MAP2K5: variants seen among roughly 807,000 people sequenced by gnomAD.
MAP2K5 encodes dual specificity mitogen-activated protein kinase kinase 5.
A neutral mutation model predicts 83.1 loss-of-function variants in MAP2K5; 49 were observed. The ratio of observed to expected loss-of-function variants is 0.59; its 90% CI spans 0.47 to 0.75. The LOEUF is 0.75. MAP2K5 is among the 30% of genes least tolerant of loss of function. The pLI is 0.00. For missense variants in MAP2K5, 457 were observed against 557.5 expected, an observed-to-expected ratio of 0.82 and a Z score of 1.82; for synonymous variants, 202 against 191.8, an observed-to-expected ratio of 1.05 and a Z score of -0.44.
rs2090265481 is a variant in MAP2K5, at chr15:67,777,810, A to G, written c.1242+5058A>G. On this transcript the variant is annotated intron_variant, in intron 21 of 21. Coordinates refer to ENST00000178640, the MANE Select transcript of MAP2K5 (RefSeq NM_145160.3). The surrounding 1 kb of genome is among the most constrained non-coding windows in gnomAD (Gnocchi z 6.0). ...TTTTGTGCATCTCCTTGTACATTCC[A>G]GAGTAGGACATCCTTTAAAGGCATT... is the stretch of plus-strand genomic sequence containing the variant. Among the ~76,000 whole-genome samples the G allele has an allele frequency of 6.6e-6, 1 of 152,218 alleles. No individual in the cohort carries two copies. The highest frequency in any genetic ancestry group is 2.1e-4 in the South Asian group (1 of 4,836).
intron 1 of MAP2K5, among the ~76,000 whole-genome samples, chr15:67,544,122 A>C (rs568964474): frequency 2.8e-4 from 42 of 151,726 alleles, no homozygotes; most frequent in African/African-American, 1.0e-3. Flanking sequence ...CTGGTCTTGA[A>C]CTCCTGCGAT....
In MAP2K5 at chr15:67,779,269, G is replaced by A. The variant is rs891025378; in HGVS notation, c.1242+6517G>A. 2.6e-4 allele frequency among the ~76,000 whole-genome samples: 39 copies of A among 152,134 alleles called. No homozygotes were observed. Among genetic ancestry groups the A allele is most frequent in the African/African-American group, 9.2e-4 (38 of 41,410 alleles). On this transcript the variant is annotated intron_variant, in intron 21 of 21. Coordinates refer to ENST00000178640, the MANE Select transcript of MAP2K5 (RefSeq NM_145160.3). The surrounding 1 kb of genome is among the most constrained non-coding windows in gnomAD (Gnocchi z 4.6). ...ATCTGTTTGTGTCTGCTTATAAAGA[G>A]GAACCCACTAGTAAAGAAGTTGATT...
At chr15:67,628,336 T>A (rs1431233034) in intron 8 of MAP2K5, 2 of 510,860 alleles carry the variant, frequency 3.9e-6, no homozygotes, top group South Asian at 2.3e-5. Flanking sequence ...AAAAATTAGC[T>A]GGTCGTGGTG....
intron 8 of MAP2K5, among the ~76,000 whole-genome samples, chr15:67,613,644 T>G (rs1314266856): frequency 1.3e-5 from 2 of 152,106 alleles, no homozygotes; most frequent in Non-Finnish European, 2.9e-5. Flanking sequence ...AAACAAATAT[T>G]TTTATATAAG....
intron 1 of MAP2K5, chr15:67,546,600 G>T (rs2084393777): frequency 1.0e-6 from 1 of 985,640 alleles, no homozygotes; most frequent in South Asian, 4.7e-5. Context: ...AGACATTTGG[G>T]TCTTCTGTTT....
chr15:67,744,689 A>G (rs996427847), intron 17 of MAP2K5, among the ~76,000 whole-genome samples: 1 of 152,230 alleles, frequency 6.6e-6, no homozygotes, highest in African/African-American at 2.4e-5. Flanking sequence ...AGCAAAGCAT[A>G]AAGTGAGACT....
Position 67,585,896 on chromosome 15 carries a change from A to G in MAP2K5, c.329A>G (p.Lys110Arg), listed in dbSNP as rs1278220149. 7 of 1,613,966 alleles carry G rather than the reference A, an allele frequency of 4.3e-6. No individual in the cohort carries two copies. The highest frequency in any genetic ancestry group is 2.2e-5 in the South Asian group (2 of 91,068). The change falls in exon 5 of 22, where the codon AAG becomes AGG. Residue 110 changes from lysine to arginine, a missense_variant. Around this residue, in one of 3 missense-constraint regions of MAP2K5, gnomAD observed 234 missense variants for 243.6 expected, o/e 0.96. Transcript: ENST00000178640. ...EPLQIFPRAC[K>R]PPGERNIHGL... ...TAGTCAATTACTGTTTCAGCCTGCA[A>G]GCCTCCTGGGGAACGGAACATACAT... is the stretch of plus-strand genomic sequence containing the variant.
Position 67,720,710 on chromosome 15 carries a change from C to T in MAP2K5, c.1045-7206C>T, listed in dbSNP as rs2088939310. Among the ~76,000 whole-genome samples the T allele has an allele frequency of 1.3e-5, 2 of 152,192 alleles. No individual in the cohort carries two copies. Among genetic ancestry groups the T allele is most frequent in the Non-Finnish European group, 1.5e-5 (1 of 68,034 alleles). Reference sequence around the variant, plus strand: ...TTGCCTTGCAGAGCGCTATCAATCACTCAGTGACCATAACTTCCAGTAATT... The same window carrying T: ...TTGCCTTGCAGAGCGCTATCAATCATTCAGTGACCATAACTTCCAGTAATT... On this transcript the variant is annotated intron_variant, in intron 16 of 21. Coordinates refer to ENST00000178640, the MANE Select transcript of MAP2K5 (RefSeq NM_145160.3). This position sits in a 1 kb window ranked among gnomAD's most constrained non-coding sequence, Gnocchi z 5.7.
intron 13 of MAP2K5, among the ~76,000 whole-genome samples, chr15:67,683,077 G>A (rs2087862591): frequency 6.6e-6 from 1 of 151,518 alleles, no homozygotes; most frequent in South Asian, 2.1e-4. Flanking sequence ...GGAGGCGGAG[G>A]TTGCAGTGCG....
Position 67,755,634 on chromosome 15 carries a change from C to T in MAP2K5, c.1134+7033C>T, listed in dbSNP as rs1325508347. 6.6e-6 allele frequency among the ~76,000 whole-genome samples: 1 copy of T among 152,084 alleles called. No individual in the cohort carries two copies. Among genetic ancestry groups the T allele is most frequent in the Admixed American group, 6.6e-5 (1 of 15,256 alleles). On this transcript the variant is annotated intron_variant, in intron 19 of 21. Transcript: ENST00000178640. The surrounding 1 kb of genome is among the most constrained non-coding windows in gnomAD (Gnocchi z 4.7). ...ATGTTTGGTGGGGTAGATGATTGTC[C>T]CTATTCATAATGATTCTTTTTAGTA...
At chr15:67,590,126 T>TA (rs2085366539) in intron 6 of MAP2K5, among the ~76,000 whole-genome samples, 1 of 152,146 alleles carries the variant, frequency 6.6e-6, no homozygotes, top group Admixed American at 6.5e-5. Flanking sequence ...GGTGGGACAT[T>TA]AAAGTCAAGA....
chr15:67,738,154 G>C lies in MAP2K5; in HGVS notation c.1075-10077G>C, dbSNP rs2089386398. The stretch of plus-strand genomic sequence containing the variant: ...GGCGTGAGCCACTGCACTTGGCCTA[G>C]AATAGTCTTATGAGAGAAGAAGCTA... On this transcript the variant is annotated intron_variant, in intron 17 of 21. Coordinates refer to ENST00000178640, the MANE Select transcript of MAP2K5 (RefSeq NM_145160.3). The surrounding 1 kb of genome is among the most constrained non-coding windows in gnomAD (Gnocchi z 4.1). 6.6e-6 allele frequency among the ~76,000 whole-genome samples: 1 copy of C among 152,156 alleles called. No homozygotes were observed. Among genetic ancestry groups the C allele is most frequent in the Admixed American group, 6.5e-5 (1 of 15,280 alleles).
At chr15:67,656,375 A>G (rs1567339655) in intron 11 of MAP2K5, among the ~76,000 whole-genome samples, 3 of 146,682 alleles carry the variant, frequency 2.0e-5, no homozygotes, top group Non-Finnish European at 3.0e-5. Flanking sequence ...CCCAGGATGT[A>G]GTGCAGTGGC....
At chr15:67,612,346 T>G (rs1490205749) in intron 8 of MAP2K5, among the ~76,000 whole-genome samples, 2 of 152,192 alleles carry the variant, frequency 1.3e-5, no homozygotes, top group Admixed American at 1.3e-4. Flanking sequence ...TGTTGCCTAA[T>G]TTTTGAGGGA....
chr15:67,717,699 G>A lies in MAP2K5; in HGVS notation c.1045-10217G>A, dbSNP rs1267684122. ...GAGGTTGCAGTTGGGTAGTGGTTAAGGATGGAAGATCCAAGATGACTTCAT... is the reference window on the plus strand; with the variant it reads ...GAGGTTGCAGTTGGGTAGTGGTTAAAGATGGAAGATCCAAGATGACTTCAT... On this transcript the variant is annotated intron_variant, in intron 16 of 21. Coordinates refer to ENST00000178640, the MANE Select transcript of MAP2K5 (RefSeq NM_145160.3). The surrounding 1 kb of genome is among the most constrained non-coding windows in gnomAD (Gnocchi z 4.1). Among the ~76,000 whole-genome samples, 11 of 152,222 alleles carry A rather than the reference G, an allele frequency of 7.2e-5. No individual in the cohort carries two copies. The highest frequency in any genetic ancestry group is 1.6e-4 in the Non-Finnish European group (11 of 68,036).
Position 67,638,035 on chromosome 15 carries a change from A to T in MAP2K5, c.585+7108A>T, listed in dbSNP as rs1466055057. 4.0e-5 allele frequency among the ~76,000 whole-genome samples: 6 copies of T among 151,752 alleles called. No individual in the cohort carries two copies. Among genetic ancestry groups the T allele is most frequent in the Non-Finnish European group, 7.4e-5 (5 of 67,982 alleles). On this transcript the variant is annotated intron_variant, in intron 9 of 21. Coordinates refer to ENST00000178640, the MANE Select transcript of MAP2K5 (RefSeq NM_145160.3). This position sits in a 1 kb window ranked among gnomAD's most constrained non-coding sequence, Gnocchi z 4.5. ...AACTTTTTTTTACTTTTAATTTTTT[A>T]AAAATTAAAAAAGTTAATTTTTTTA...
chr15:67,742,756 A>G (rs879715574), intron 17 of MAP2K5, among the ~76,000 whole-genome samples: 6 of 152,214 alleles, frequency 3.9e-5, no homozygotes, highest in Non-Finnish European at 7.3e-5. Context: ...TTTCCTTGCA[A>G]AATTCAAGTC....
In MAP2K5 at chr15:67,777,899, C is replaced by T. The variant is rs138158504; in HGVS notation, c.1242+5147C>T. Among the ~76,000 whole-genome samples, 421 of 152,278 alleles carry T rather than the reference C, an allele frequency of 2.8e-3. 1 individual carries two copies. Among genetic ancestry groups the T allele is most frequent in the African/African-American group, 9.7e-3 (405 of 41,548 alleles). ...AAAAAGAAACACAGGATGCAGTTTG[C>T]AATTGAAATTTGACATTTTGCTTAG... On this transcript the variant is annotated intron_variant, in intron 21 of 21. Transcript: ENST00000178640. The surrounding 1 kb of genome is among the most constrained non-coding windows in gnomAD (Gnocchi z 6.0).
intron 11 of MAP2K5, among the ~76,000 whole-genome samples, chr15:67,647,961 G>A (rs2086866228): frequency 6.6e-6 from 1 of 152,102 alleles, no homozygotes; most frequent in Admixed American, 6.6e-5. Context: ...GATTGCTTGA[G>A]CCCAGGAGAT....
Sources: allele counts gnomAD v4.1 joint callset (sites outside exome capture counted in the v4.1 genomes callset), GRCh38; gene constraint gnomAD v4.1.1; regional missense constraint gnomAD v4.1.1; non-coding constraint Gnocchi (gnomAD v3.1); transcripts MANE v1.5; gene names NCBI Gene and HGNC (gene_info 2026-07-23, HGNC 2026-07-21).